ST3GAL3: variants seen among roughly 807,000 people sequenced by gnomAD.
ST3GAL3 encodes ST3 beta-galactoside alpha-2,3-sialyltransferase 3, also known as CMP-N-acetylneuraminate-beta-1,4-galactoside alpha-2,3-sialyltransferase.
Under a neutral mutation model 50.1 loss-of-function variants are expected in ST3GAL3, and 21 were observed. That is an observed-to-expected ratio of 0.42 (90% confidence interval 0.30 to 0.60). The LOEUF (loss-of-function observed/expected upper bound fraction) is 0.60. Among genes scored for constraint, ST3GAL3 ranks in the 20% least tolerant of loss-of-function variants. The pLI is 0.19. For missense variants in ST3GAL3, 353 were observed against 489.4 expected (o/e 0.72, Z 2.63); for synonymous variants, 183 against 190.0 (o/e 0.96, Z 0.30).
intron 2 of ST3GAL3, among the ~76,000 whole-genome samples, chr1:43,759,067 A>G (rs200706024): frequency 0.35 from 19,107 of 54,708 alleles, 1,376 homozygotes; most frequent in Non-Finnish European, 0.44. Flanking sequence ...AAGCGCGCGC[A>G]CACACACACA....
At chr1:43,765,077 A>T (rs1387766139) in intron 2 of ST3GAL3, among the ~76,000 whole-genome samples, 2 of 152,244 alleles carry the variant, frequency 1.3e-5, no homozygotes, top group East Asian at 1.9e-4. Context: ...CTCTAGTGTA[A>T]CCAACTACCC....
In ST3GAL3 at chr1:43,926,420, T is replaced by G. The variant is rs549106165; in HGVS notation, c.1039-3712T>G. Among the ~76,000 whole-genome samples, 3 of 152,092 alleles carry G rather than the reference T, an allele frequency of 2.0e-5. No individual in the cohort carries two copies. The East Asian group carries it at 5.8e-4, about 29-fold the overall frequency. ...GCCTGACCAACATGGAGAAACCCTG[T>G]CTCTACTGAAAATACAAAATTAGCC... On this transcript the variant is annotated intron_variant, in intron 11 of 11. Coordinates refer to ENST00000347631, the MANE Select transcript of ST3GAL3 (RefSeq NM_006279.5).
chr1:43,916,138 A>G (rs1464499627), intron 9 of ST3GAL3, among the ~76,000 whole-genome samples: 1 of 152,190 alleles, frequency 6.6e-6, no homozygotes, highest in Non-Finnish European at 1.5e-5. Context: ...GGCACTCATT[A>G]ATGCTCGCTG....
chr1:43,758,602 T>C (rs1328915614), intron 2 of ST3GAL3, among the ~76,000 whole-genome samples: 1 of 152,210 alleles, frequency 6.6e-6, no homozygotes, highest in East Asian at 1.9e-4. Context: ...AAAGTATTTT[T>C]CTTATATCCT....
intron 1 of ST3GAL3, 55 bp from the exon 2 acceptor site, chr1:43,736,178 T>C: frequency 5.4e-6 from 8 of 1,477,778 alleles, no homozygotes; most frequent in Non-Finnish European, 6.6e-6. Context: ...TAAGAGAGAA[T>C]ATATCAATAA....
chr1:43,758,795 G>A (rs1181432535), intron 2 of ST3GAL3, among the ~76,000 whole-genome samples: 1 of 151,992 alleles, frequency 6.6e-6, no homozygotes, highest in East Asian at 1.9e-4. Context: ...GGGAGGCTCA[G>A]GCAGGAGGAT....
At chr1:43,917,630 A>T (rs1361942386) in intron 9 of ST3GAL3, among the ~76,000 whole-genome samples, 16 of 56,672 alleles carry the variant, frequency 2.8e-4, no homozygotes, top group Admixed American at 6.8e-4. Context: ...TATTATATAT[A>T]ATATATAATA....
chr1:43,739,596 AC>A (rs1679958436), intron 2 of ST3GAL3, among the ~76,000 whole-genome samples: 2 of 152,166 alleles, frequency 1.3e-5, no homozygotes, highest in South Asian at 4.1e-4. Flanking sequence ...TTCTGGGTAA[AC>A]TGGATATAAG....
intron 5 of ST3GAL3, among the ~76,000 whole-genome samples, chr1:43,859,927 AGG>A: frequency 6.6e-6 from 1 of 152,330 alleles, no homozygotes; most frequent in East Asian, 1.9e-4. Context: ...AGAGGGATTA[AGG>A]GCAGGACTCT....
intron 9 of ST3GAL3, among the ~76,000 whole-genome samples, chr1:43,909,700 A>G (rs540428059): frequency 6.6e-6 from 1 of 152,394 alleles, no homozygotes; most frequent in East Asian, 1.9e-4. Context: ...ATAACATATT[A>G]GAATTTCAAG....
rs565520225 is a variant in ST3GAL3 at position 43,731,110 on chromosome 1, G to C, written c.-30-5123G>C. On this transcript the variant is annotated intron_variant, in intron 1 of 11. Transcript: ENST00000347631. ...TACAGTGGTGCAACCTTGGCTTACT[G>C]CAACCTCAACCTCCTGGGCTCAACA... is the stretch of plus-strand genomic sequence containing the variant. Among the ~76,000 whole-genome samples, 9 of 151,746 alleles carry C rather than the reference G, an allele frequency of 5.9e-5. No homozygotes were observed. In the East Asian group the frequency reaches 1.8e-3, roughly 30 times the overall value.
chr1:43,887,897 C>G (rs567255075), intron 5 of ST3GAL3, among the ~76,000 whole-genome samples: 3 of 152,178 alleles, frequency 2.0e-5, no homozygotes, highest in Admixed American at 1.3e-4. Context: ...AGTCCTTGTT[C>G]CCACCTTGAA....
rs768842005 is a variant in ST3GAL3, at chr1:43,736,247, C to A, written c.-16C>A. ...TTCTTTTCTAGGTCATTTAGGAAAT[C>A]GTAAATCATGTGAAGATGGGACTCT... On this transcript the variant is annotated 5_prime_UTR_variant, in exon 2 of 12. Transcript: ENST00000347631. 1 of 1,613,986 alleles carries A rather than the reference C, an allele frequency of 6.2e-7. No homozygotes were observed. Among genetic ancestry groups the A allele is most frequent in the African/African-American group, 1.3e-5 (1 of 74,908 alleles).
intron 1 of ST3GAL3, among the ~76,000 whole-genome samples, chr1:43,718,185 CTTT>C (rs57506461): frequency 7.2e-5 from 6 of 83,376 alleles, no homozygotes; most frequent in Admixed American, 1.6e-4. Context: ...ATCATTAAAT[CTTT>C]TTTTTTTTTT....
Position 43,920,897 on chromosome 1 carries a change from A to T in ST3GAL3, c.1007A>T (p.Tyr336Phe). ...ACACCCAACGCACCCCTGCACTACT[A>T]TGAGACCGTTCGCATGGCAGCCATC... is the stretch of plus-strand genomic sequence containing the variant. ...MSTPNAPLHY[Y>F]ETVRMAAIKE... is the part of the protein sequence containing the mutation. Residue 336 changes from tyrosine (Y) to phenylalanine (F), a missense_variant, in exon 11 of 12, where the codon TAT becomes TTT. Coordinates refer to ENST00000347631, the MANE Select transcript of ST3GAL3 (RefSeq NM_006279.5). 2.5e-6 allele frequency: 4 copies of T among 1,613,892 alleles called. No homozygotes were observed. Among genetic ancestry groups the T allele is most frequent in the Non-Finnish European group, 3.4e-6 (4 of 1,179,932 alleles).
intron 5 of ST3GAL3, among the ~76,000 whole-genome samples, chr1:43,886,837 G>A (rs970780118): frequency 7.9e-5 from 12 of 152,158 alleles, no homozygotes; most frequent in African/African-American, 2.9e-4. Flanking sequence ...AGGACGCTTT[G>A]TCGAATTTGT....
At chr1:43,800,004 G>C (rs2059138039) in intron 3 of ST3GAL3, among the ~76,000 whole-genome samples, 1 of 152,154 alleles carries the variant, frequency 6.6e-6, no homozygotes, top group Non-Finnish European at 1.5e-5. Context: ...TGTGGGAGGG[G>C]GCTTCCAGGG....
intron 5 of ST3GAL3, among the ~76,000 whole-genome samples, chr1:43,855,207 T>C (rs975203457): frequency 1.3e-5 from 2 of 152,216 alleles, no homozygotes; most frequent in African/African-American, 2.4e-5. Flanking sequence ...TTAGAGCACC[T>C]ACCGTGTGCC....
At chr1:43,781,165 G>T (rs1485059723) in intron 2 of ST3GAL3, among the ~76,000 whole-genome samples, 5 of 152,020 alleles carry the variant, frequency 3.3e-5, no homozygotes, top group African/African-American at 4.8e-5. Context: ...TTTGTCCTGG[G>T]TGCTTCTGCT....
Sources: allele counts gnomAD v4.1 joint callset (sites outside exome capture counted in the v4.1 genomes callset), GRCh38; gene constraint gnomAD v4.1.1; transcripts MANE v1.5; gene names NCBI Gene and HGNC (gene_info 2026-07-23, HGNC 2026-07-21).